MYH16: variants seen among roughly 807,000 people sequenced by gnomAD.
MYH16 encodes myosin heavy chain 16.
At chr7:99,258,810 TA>T (rs56367655) in intron 11 of MYH16, among the ~76,000 whole-genome samples, 109 of 147,246 alleles carry the variant, frequency 7.4e-4, no homozygotes, top group African/African-American at 2.3e-3. Context: ...AGCTCACCAC[TA>T]AAAAAAAAAA....
At chr7:99,301,980 T>C (rs1338958218) in intron 38 of MYH16, among the ~76,000 whole-genome samples, 176 bp downstream of exon 19, 1 of 152,124 alleles carries the variant, frequency 6.6e-6, no homozygotes, top group African/African-American at 2.4e-5. Flanking sequence ...TTTTGTAAAA[T>C]TGTGACTTAA....
downstream of MYH16, among the ~76,000 whole-genome samples, chr7:99,307,523 G>T (rs548155812): frequency 2.0e-5 from 3 of 152,164 alleles, no homozygotes; most frequent in East Asian, 5.8e-4. Flanking sequence ...GGGAGTTCAA[G>T]ACCAGCCTGG....
intron 12 of MYH16, chr7:99,260,385 G>A (rs1280283360): frequency 1.8e-5 from 14 of 780,764 alleles, no homozygotes; most frequent in African/African-American, 3.5e-5. Flanking sequence ...GCCAAGGGAT[G>A]TCACTGGCAC....
chr7:99,255,401 T>C (rs1791858972), intron 8 of MYH16, among the ~76,000 whole-genome samples: 1 of 151,198 alleles, frequency 6.6e-6, no homozygotes, highest in African/African-American at 2.4e-5. Flanking sequence ...TGAGCTATGA[T>C]TGTGCCACCG....
intron 28 of MYH16, among the ~76,000 whole-genome samples, chr7:99,286,969 A>G (rs1792288475): frequency 6.6e-6 from 1 of 152,154 alleles, no homozygotes; most frequent in African/African-American, 2.4e-5. Flanking sequence ...AGACAAACAG[A>G]AAGAGTTTGC....
intron 7 of MYH16, chr7:99,252,974 A>G (rs951875497): frequency 2.6e-5 from 4 of 152,342 alleles, no homozygotes; most frequent in African/African-American, 9.6e-5. Context: ...AAAAAATATT[A>G]AGAATTTCAG....
At chr7:99,262,016 C>T (rs1052682552) in intron 13 of MYH16, 13 of 152,198 alleles carry the variant, frequency 8.5e-5, no homozygotes, top group African/African-American at 3.1e-4. Context: ...CAACTGATAA[C>T]CTGGCTCTCT....
chr7:99,279,935 G>A (rs1457019373), intron 22 of MYH16, among the ~76,000 whole-genome samples, 198 bp downstream of exon 4: 7 of 152,208 alleles, frequency 4.6e-5, no homozygotes, highest in Non-Finnish European at 7.4e-5. Context: ...GCAGTAGTGC[G>A]ACCTCAGCTC....
intron 22 of MYH16, 86 bp downstream of exon 4, chr7:99,279,823 T>A (rs957703006): frequency 5.2e-6 from 2 of 382,122 alleles, no homozygotes; most frequent in Non-Finnish European, 1.0e-5. Context: ...CTACACCCAG[T>A]GCCCTGACCA....
chr7:99,264,796 A>G (rs1387632211), intron 15 of MYH16, among the ~76,000 whole-genome samples: 2 of 152,124 alleles, frequency 1.3e-5, no homozygotes, highest in East Asian at 3.9e-4. Context: ...CACAGACCCT[A>G]TGGTTCCTCC....
intron 19 of MYH16, among the ~76,000 whole-genome samples, 30 bp from the exon 1 acceptor site, chr7:99,272,809 T>C (rs552293893): frequency 6.6e-6 from 1 of 151,862 alleles, no homozygotes; most frequent in East Asian, 1.9e-4. Context: ...TTTGTGGTCA[T>C]AGAATTAGTA....
intron 21 of MYH16, among the ~76,000 whole-genome samples, chr7:99,279,135 G>A (rs933684368): frequency 6.6e-6 from 1 of 152,072 alleles, no homozygotes; most frequent in African/African-American, 2.4e-5. Context: ...AGGCTGCAGT[G>A]AGCCATGATT....
intron 23 of MYH16, among the ~76,000 whole-genome samples, chr7:99,282,560 C>A (rs1375235573): frequency 1.3e-5 from 2 of 151,652 alleles, no homozygotes; most frequent in Non-Finnish European, 2.9e-5. Context: ...GCAGCTTTGA[C>A]TTCCCAGGCT....
chr7:99,254,775 T>G (rs933006657), intron 8 of MYH16, among the ~76,000 whole-genome samples: 4 of 152,190 alleles, frequency 2.6e-5, no homozygotes, highest in Admixed American at 6.5e-5. Context: ...CAGGTGGGCT[T>G]TATTTGTTTG....
chr7:99,252,354 GGGCT>G (rs1284465686), intron 6 of MYH16: 2 of 152,938 alleles, frequency 1.3e-5, no homozygotes, highest in Non-Finnish European at 2.9e-5. Flanking sequence ...TGGGAAAACA[GGGCT>G]GGCGGGGGGT....
chr7:99,244,775 G>A (rs957312345), intron 2 of MYH16, among the ~76,000 whole-genome samples: 1 of 152,160 alleles, frequency 6.6e-6, no homozygotes, highest in Non-Finnish European at 1.5e-5. Context: ...ACCCCCGGCT[G>A]AACCTAGAGC....
intron 31 of MYH16, among the ~76,000 whole-genome samples, chr7:99,291,820 A>G (rs1451547198): frequency 6.6e-6 from 1 of 152,076 alleles, no homozygotes; most frequent in Non-Finnish European, 1.5e-5. Flanking sequence ...TTAGCTGGGC[A>G]TGGTGGTGAG....
At chr7:99,283,965 C>T (rs745338181) in exon 25 of MYH16, 1 of 456,514 alleles carries the variant, frequency 2.2e-6, no homozygotes, top group Non-Finnish European at 4.4e-6. Context: ...TGACCATCGA[C>T]AACCTCAATG....
intron 12 of MYH16, chr7:99,260,379 A>T: frequency 1.2e-6 from 1 of 832,480 alleles, no homozygotes; most frequent in South Asian, 1.5e-5. Flanking sequence ...GCCAGGGCCA[A>T]GGGATGTCAC....
Sources: gnomAD v4.1 joint callset for allele counts (sites outside exome capture counted in the v4.1 genomes callset) on GRCh38, gnomAD v4.1.1 for gene constraint, MANE v1.5 for transcripts, NCBI Gene and HGNC (gene_info 2026-07-23, HGNC 2026-07-21) for gene names.